The following CNST variants were observed in gnomAD, a reference collection of about 807,000 sequenced individuals.
CNST encodes consortin.
CNST carries 39 observed loss-of-function variants against 72.4 expected under a neutral mutation model. The observed-to-expected ratio is 0.54, with a 90% CI of 0.42 to 0.70. CNST has a LOEUF of 0.70. Among genes scored for constraint, CNST ranks in the 30% least tolerant of loss-of-function variants. The probability of loss-of-function intolerance (pLI) is 0.00; values close to 1 mark genes in which losing one functional copy is unlikely to be tolerated. For missense variants in CNST, 871 were observed against 868.5 expected, an observed-to-expected ratio of 1.00 and a Z score of -0.04; for synonymous variants, 332 against 320.1, an observed-to-expected ratio of 1.04 and a Z score of -0.40.
At chr1:246,614,355 C>T (rs2103065860) in intron 2 of CNST, among the ~76,000 whole-genome samples, 2 of 152,246 alleles carry the variant, frequency 1.3e-5, no homozygotes, top group Middle Eastern at 6.8e-3. Context: ...CTTGTCAGCA[C>T]TAAAAAAGTT....
At chr1:246,630,858 G>A (rs983647406) in intron 3 of CNST, among the ~76,000 whole-genome samples, 1 of 151,968 alleles carries the variant, frequency 6.6e-6, no homozygotes, top group African/African-American at 2.4e-5. Context: ...CGATTCTTCT[G>A]CCTCAGCCTC....
chr1:246,617,969 C>T (rs945765594), intron 2 of CNST, among the ~76,000 whole-genome samples: 3 of 152,152 alleles, frequency 2.0e-5, no homozygotes, highest in African/African-American at 4.8e-5. Flanking sequence ...TATTGCAGCA[C>T]GCTTCTTGCA....
At chr1:246,621,219 A>G (rs1462766253) in intron 2 of CNST, among the ~76,000 whole-genome samples, 2 of 152,238 alleles carry the variant, frequency 1.3e-5, no homozygotes, top group Non-Finnish European at 2.9e-5. Context: ...CTCTCCTAGC[A>G]TCTAGAAGTA....
intron 2 of CNST, among the ~76,000 whole-genome samples, chr1:246,612,168 G>T (rs935979121): frequency 6.6e-6 from 1 of 152,194 alleles, no homozygotes; most frequent in Non-Finnish European, 1.5e-5. Context: ...TTTTGGAAAT[G>T]GATAGTGGTG....
chr1:246,586,111 A>ATATATGTGTGTGTGTGTGTGTGTG (rs777928408), intron 1 of CNST, among the ~76,000 whole-genome samples: 1 of 102,700 alleles, frequency 9.7e-6, no homozygotes, highest in African/African-American at 4.0e-5. Context: ...ATATATATAT[A>ATATATGTGTGTGTGTGTGTGTGTG]TGTGTGTGTG....
intron 2 of CNST, among the ~76,000 whole-genome samples, chr1:246,599,951 A>T (rs2103037028): frequency 6.6e-6 from 1 of 152,336 alleles, no homozygotes; most frequent in East Asian, 1.9e-4. Context: ...GGAGCCACGT[A>T]ACTAACAAGT....
intron 2 of CNST, among the ~76,000 whole-genome samples, chr1:246,592,221 G>A (rs1661592421): frequency 6.6e-6 from 1 of 152,180 alleles, no homozygotes; most frequent in Non-Finnish European, 1.5e-5. Flanking sequence ...GGGTACGGTG[G>A]CTCACGCCTG....
chr1:246,656,222 G>A (rs1438091797), intron 9 of CNST, among the ~76,000 whole-genome samples: 1 of 146,002 alleles, frequency 6.8e-6, no homozygotes, highest in Non-Finnish European at 1.5e-5. Context: ...TTGTGAGGAG[G>A]CACTTCCAAC....
chr1:246,661,513 G>A (rs1165834297), intron 10 of CNST, among the ~76,000 whole-genome samples: 1 of 152,184 alleles, frequency 6.6e-6, no homozygotes, highest in East Asian at 1.9e-4. Context: ...TGATAGAAAA[G>A]AGTGTCTCTC....
chr1:246,588,653 A>G (rs995125878), intron 1 of CNST, among the ~76,000 whole-genome samples: 1 of 152,224 alleles, frequency 6.6e-6, no homozygotes, highest in African/African-American at 2.4e-5. Flanking sequence ...AATTAATTTT[A>G]GTAATAGTTT....
chr1:246,621,305 C>T (rs1664072356), intron 2 of CNST, 124 bp from the exon 3 acceptor site: 1 of 717,828 alleles, frequency 1.4e-6, no homozygotes, highest in Non-Finnish European at 2.4e-6. Context: ...AACACATTTA[C>T]CTTCCTGTTC....
Position 246,591,950 on chromosome 1 carries a change from T to C in CNST, c.379+9T>C. ...TAAGAAGATACCACCAGGTATTGTT[T>C]AAAATAGTATTTATCCTCTTCTTTA... On this transcript the variant is annotated intron_variant, in intron 2 of 10. Transcript: ENST00000366513. 6.3e-7 allele frequency: 1 copy of C among 1,588,718 alleles called. No individual in the cohort carries two copies. Among genetic ancestry groups the C allele is most frequent in the Non-Finnish European group, 8.6e-7 (1 of 1,168,090 alleles).
At position 246,647,750 on chromosome 1, in the gene CNST, T is replaced by C. The variant is rs749642614; in HGVS notation, c.1549T>C (p.Ser517Pro). ...TGTGCTCTGTGGAAATAATCAAATATCTGACTTAGGCATACTGCTTCCAGA... is the reference window on the plus strand; with the variant it reads ...TGTGCTCTGTGGAAATAATCAAATACCTGACTTAGGCATACTGCTTCCAGA... The part of the protein sequence containing the change: ...ENVLCGNNQI[S>P]DLGILLPEVC... Residue 517 changes from serine (S) to proline (P), a missense_variant, in exon 9 of 11, where the codon TCT becomes CCT. Physicochemically the swap from Ser to Pro is moderately conservative, Grantham distance 74. Transcript: ENST00000366513. 2 of 1,614,024 alleles carry C rather than the reference T, an allele frequency of 1.2e-6. No homozygotes were observed. The highest frequency in any genetic ancestry group is 2.7e-5 in the African/African-American group (2 of 74,914).
At chr1:246,603,511 A>T (rs963814200) in intron 2 of CNST, among the ~76,000 whole-genome samples, 1 of 152,230 alleles carries the variant, frequency 6.6e-6, no homozygotes, top group Non-Finnish European at 1.5e-5. Context: ...TTGTTTTTTT[A>T]AACAAAGTTA....
At position 246,608,434 on chromosome 1, in the gene CNST, T is replaced by C. The variant is rs372338430; in HGVS notation, c.380-12995T>C. Reference sequence around the variant, plus strand: ...AGTTTTAGTTTTTAATAAAACGTGTTAAAGTGTAAAATGTCTAATCAAACT... The same window carrying C: ...AGTTTTAGTTTTTAATAAAACGTGTCAAAGTGTAAAATGTCTAATCAAACT... On this transcript the variant is annotated intron_variant, in intron 2 of 10. Transcript: ENST00000366513. Among the ~76,000 whole-genome samples the C allele has an allele frequency of 1.2e-4, 18 of 152,254 alleles. No homozygotes were observed. In the East Asian group the frequency reaches 1.3e-3, roughly 11 times the overall value.
At chr1:246,656,621 A>G (rs957341420) in intron 9 of CNST, among the ~76,000 whole-genome samples, 2 of 152,206 alleles carry the variant, frequency 1.3e-5, no homozygotes, top group Admixed American at 6.5e-5. Context: ...TACTGACACT[A>G]TAGTTTTAAA....
At chr1:246,585,637 G>T in intron 1 of CNST, among the ~76,000 whole-genome samples, 1 of 92,920 alleles carries the variant, frequency 1.1e-5, no homozygotes, top group Non-Finnish European at 1.9e-5. Flanking sequence ...CAGAGACTCT[G>T]TCTCAAAAAA....
Position 246,574,202 on chromosome 1 carries a change from C to T in CNST, c.-52+7539C>T, listed in dbSNP as rs375246433. On this transcript the variant is annotated intron_variant, in intron 1 of 10. Coordinates refer to ENST00000366513, the MANE Select transcript of CNST (RefSeq NM_152609.3). ...GACTACAGGCACCCGCCACCGCGCC[C>T]GGCTAATTTTTTGTATTTTTATTAG... Among the ~76,000 whole-genome samples, 35 of 152,196 alleles carry T rather than the reference C, an allele frequency of 2.3e-4. 2 individuals carry two copies. The East Asian group carries it at 3.1e-3, about 13-fold the overall frequency.
intron 2 of CNST, among the ~76,000 whole-genome samples, chr1:246,613,070 A>G (rs931474902): frequency 2.0e-5 from 3 of 152,312 alleles, no homozygotes; most frequent in East Asian, 1.9e-4. Flanking sequence ...CAAGCATAAT[A>G]CAATTAGCTC....
Sources: allele counts gnomAD v4.1 joint callset (sites outside exome capture counted in the v4.1 genomes callset), GRCh38; gene constraint gnomAD v4.1.1; transcripts MANE v1.5; gene names NCBI Gene and HGNC (gene_info 2026-07-23, HGNC 2026-07-21).